Variants in SLC68A1 observed in about 807,000 individuals in gnomAD.
SLC68A1 encodes the protein solute carrier family 68 member 1, also known as major facilitator superfamily domain containing 13A.
chr10:102,476,075 GTT>G, the SLC68A1 span: 7,247 of 1,098,758 alleles, frequency 6.6e-3, 1 homozygote, highest in East Asian at 0.015. Context: ...GGATTTCATA[GTT>G]TTTTTTTTTT....
the SLC68A1 span, among the ~76,000 whole-genome samples, chr10:102,474,831 A>G: frequency 0.23 from 34,479 of 151,584 alleles, 4,336 homozygotes; most frequent in South Asian, 0.33. Flanking sequence ...TATTTTATGT[A>G]GAGATGGGGT....
At chr10:102,471,170 G>T in the SLC68A1 span, 1 of 1,551,278 alleles carries the variant, frequency 6.4e-7, no homozygotes. Flanking sequence ...TTCTAAGTCT[G>T]ATTTCGGTGC....
chr10:102,476,720 AG>A, the SLC68A1 span: 16 of 986,032 alleles, frequency 1.6e-5, no homozygotes, highest in Non-Finnish European at 1.8e-5. Flanking sequence ...CCAAGAAGGG[AG>A]GGGGCTGCCC....
At chr10:102,469,777 C>T in the SLC68A1 span, 7 of 900,146 alleles carry the variant, frequency 7.8e-6, no homozygotes, top group African/African-American at 1.3e-4. Flanking sequence ...AAACTCCTGA[C>T]CTCAGGTGAT....
chr10:102,471,385 GA>G, the SLC68A1 span: 7 of 1,612,424 alleles, frequency 4.3e-6, no homozygotes, highest in Admixed American at 1.0e-4. Flanking sequence ...CGTGAGCATG[GA>G]CCTGGTGCAG....
chr10:102,464,977 G>A, the SLC68A1 span, among the ~76,000 whole-genome samples: 31 of 151,844 alleles, frequency 2.0e-4, no homozygotes, highest in South Asian at 6.0e-3. Flanking sequence ...AAATTAGGCC[G>A]GGTGTGGAGG....
At chr10:102,469,877 T>C in the SLC68A1 span, 1 of 1,458,644 alleles carries the variant, frequency 6.9e-7, no homozygotes, top group Admixed American at 2.4e-5. Flanking sequence ...CCAGCAAAGG[T>C]TTGCAGGTAG....
chr10:102,467,705 A>T, the SLC68A1 span, among the ~76,000 whole-genome samples: 1 of 151,928 alleles, frequency 6.6e-6, no homozygotes, highest in Non-Finnish European at 1.5e-5. Flanking sequence ...TGCCCAGGCT[A>T]GAGTGCGTTG....
At chr10:102,475,512 C>T in the SLC68A1 span, among the ~76,000 whole-genome samples, 3 of 152,106 alleles carry the variant, frequency 2.0e-5, no homozygotes, top group Middle Eastern at 3.4e-3. Context: ...CTGAGGAGGA[C>T]TTTGAGGTTT....
the SLC68A1 span, chr10:102,473,707 G>T: frequency 6.2e-7 from 1 of 1,613,978 alleles, no homozygotes; most frequent in South Asian, 1.1e-5. Context: ...GGCCGGCCCG[G>T]ACCACCTCAG....
At chr10:102,462,631 A>G in the SLC68A1 span, among the ~76,000 whole-genome samples, 3 of 152,132 alleles carry the variant, frequency 2.0e-5, no homozygotes, top group East Asian at 5.8e-4. Context: ...GGTGAAGGGG[A>G]AGAGTTTTGA....
At chr10:102,475,810 C>A in the SLC68A1 span, 1 of 1,614,070 alleles carries the variant, frequency 6.2e-7, no homozygotes, top group Non-Finnish European at 8.5e-7. Flanking sequence ...CTGCACAGGC[C>A]CCGACGCTCC....
At chr10:102,468,909 A>G in the SLC68A1 span, 2 of 763,792 alleles carry the variant, frequency 2.6e-6, no homozygotes, top group African/African-American at 1.8e-5. Context: ...GGTTAAGAAC[A>G]GAGCTGGCTC....
chr10:102,462,546 T>C, the SLC68A1 span, among the ~76,000 whole-genome samples: 1 of 152,166 alleles, frequency 6.6e-6, no homozygotes, highest in South Asian at 2.1e-4. Context: ...CCACCCACCA[T>C]AGGTTGGTTC....
the SLC68A1 span, among the ~76,000 whole-genome samples, chr10:102,468,073 G>A: frequency 2.5e-4 from 38 of 152,128 alleles, no homozygotes; most frequent in South Asian, 7.5e-3. Context: ...GTCAGGCCCA[G>A]GGGTGGAGCC....
chr10:102,470,638 T>C, the SLC68A1 span: 12 of 1,592,516 alleles, frequency 7.5e-6, no homozygotes, highest in Non-Finnish European at 1.0e-5. Flanking sequence ...ACACGGCATC[T>C]CCCAACAACT....
chr10:102,471,502 G>A, the SLC68A1 span: 295 of 1,492,276 alleles, frequency 2.0e-4, no homozygotes, highest in Non-Finnish European at 2.6e-4. Context: ...GCTCATGCCT[G>A]TAGTCCCAGC....
chr10:102,475,170 C>T, the SLC68A1 span, among the ~76,000 whole-genome samples: 1 of 152,054 alleles, frequency 6.6e-6, no homozygotes, highest in Non-Finnish European at 1.5e-5. Flanking sequence ...GTGGCGCATG[C>T]CTGTAGCCCC....
the SLC68A1 span, among the ~76,000 whole-genome samples, chr10:102,467,172 G>C: frequency 1.3e-5 from 2 of 152,198 alleles, no homozygotes; most frequent in African/African-American, 4.8e-5. Context: ...CAGTAGCTGG[G>C]ATTACAGGCG....
Sources: gnomAD v4.1 joint callset for allele counts (sites outside exome capture counted in the v4.1 genomes callset) on GRCh38, gnomAD v4.1.1 for gene constraint, MANE v1.5 for transcripts, NCBI Gene and HGNC (gene_info 2026-07-23, HGNC 2026-07-21) for gene names.